Variants in ANK1 observed in about 807,000 individuals in gnomAD.
ANK1 encodes the protein ankyrin-1.
In ANK1, 51 loss-of-function variants were observed where a neutral mutation model predicts 210.4. The observed-to-expected ratio is 0.24, with a 90% CI of 0.19 to 0.31. The LOEUF is 0.31. Ranked by LOEUF, ANK1 falls within the 10% of genes least tolerant of loss-of-function variation. The pLI is 1.00. For missense variants in ANK1, 2,051 were observed against 2,504.4 expected, an observed-to-expected ratio of 0.82 and a Z score of 3.86; for synonymous variants, 967 against 1,025.9, an observed-to-expected ratio of 0.94 and a Z score of 1.10.
intron 37 of ANK1, among the ~76,000 whole-genome samples, chr8:41,677,060 A>T (rs1441523522): frequency 6.6e-6 from 1 of 152,108 alleles, no homozygotes; most frequent in East Asian, 1.9e-4. Context: ...TTCCTAAGTG[A>T]GCTTTGATAG....
chr8:41,813,874 C>T (rs545044882), intron 1 of ANK1, among the ~76,000 whole-genome samples: 3 of 152,288 alleles, frequency 2.0e-5, no homozygotes, highest in African/African-American at 7.2e-5. Flanking sequence ...CAAGGTACCA[C>T]ATCAGTTGTT....
intron 1 of ANK1, among the ~76,000 whole-genome samples, chr8:41,856,658 T>G (rs1284315495): frequency 3.9e-5 from 6 of 152,202 alleles, no homozygotes; most frequent in Non-Finnish European, 5.9e-5. Flanking sequence ...ACATTTTGAG[T>G]GCCAACATGA....
At chr8:41,894,611 C>CA (rs1425485159) in intron 1 of ANK1, among the ~76,000 whole-genome samples, 1 of 152,054 alleles carries the variant, frequency 6.6e-6, no homozygotes, top group Non-Finnish European at 1.5e-5. Context: ...TCGGGAGTGT[C>CA]AAGGAGGAAG....
At chr8:41,710,499 G>A (rs932874313) in intron 16 of ANK1, among the ~76,000 whole-genome samples, 3 of 152,218 alleles carry the variant, frequency 2.0e-5, no homozygotes, top group South Asian at 4.1e-4. Context: ...ATTCAGAGGC[G>A]CTAGGGAGGG....
At chr8:41,887,242 CTTTTTTTTTT>C (rs35112522) in intron 1 of ANK1, among the ~76,000 whole-genome samples, 2 of 80,712 alleles carry the variant, frequency 2.5e-5, no homozygotes, top group East Asian at 4.0e-4. Flanking sequence ...CTTTCCTTTC[CTTTTTTTTTT>C]TTTTTTTTTT....
At chr8:41,856,971 T>A (rs1812307309) in intron 1 of ANK1, among the ~76,000 whole-genome samples, 1 of 142,264 alleles carries the variant, frequency 7.0e-6, no homozygotes, top group Non-Finnish European at 1.5e-5. Flanking sequence ...AACCTCCACA[T>A]CCTGGGTTCA....
intron 1 of ANK1, among the ~76,000 whole-genome samples, chr8:41,791,370 T>C (rs1472633367): frequency 6.7e-6 from 1 of 149,720 alleles, no homozygotes; most frequent in Non-Finnish European, 1.5e-5. Flanking sequence ...GGTTTTGCCA[T>C]GTTGGCCAGG....
chr8:41,848,729 G>A (rs899854367), intron 1 of ANK1, among the ~76,000 whole-genome samples: 1 of 152,242 alleles, frequency 6.6e-6, no homozygotes, highest in African/African-American at 2.4e-5. Context: ...CTGGACAGCT[G>A]AATTTACTGC....
chr8:41,752,801 C>CCCCG (rs1554597001), intron 2 of ANK1, among the ~76,000 whole-genome samples: 1 of 151,606 alleles, frequency 6.6e-6, no homozygotes, highest in African/African-American at 2.4e-5. Context: ...CACACAGGCC[C>CCCCG]CCCCCCACTG....
chr8:41,827,537 G>C (rs138993589), intron 1 of ANK1, among the ~76,000 whole-genome samples: 1 of 152,330 alleles, frequency 6.6e-6, no homozygotes, highest in East Asian at 1.9e-4. Context: ...ATGTAGGTTA[G>C]ACAGGATTGC....
chr8:41,836,760 T>A (rs77348983), intron 1 of ANK1, among the ~76,000 whole-genome samples: 22 of 151,588 alleles, frequency 1.5e-4, no homozygotes, highest in African/African-American at 4.6e-4. Flanking sequence ...AAAAAAAAAA[T>A]TTTGTTTTAA....
intron 1 of ANK1, among the ~76,000 whole-genome samples, chr8:41,792,084 G>A (rs774688783): frequency 6.6e-6 from 1 of 152,214 alleles, no homozygotes; most frequent in Non-Finnish European, 1.5e-5. Flanking sequence ...CCTTCCTCCT[G>A]TAATGCGCTT....
intron 42 of ANK1, among the ~76,000 whole-genome samples, chr8:41,660,279 C>T (rs1233881216): frequency 1.3e-5 from 2 of 152,148 alleles, no homozygotes; most frequent in South Asian, 2.1e-4. Flanking sequence ...CTTTTGGTGG[C>T]TCAGGAGGCA....
Position 41,665,704 on chromosome 8 carries a change from G to A in ANK1, c.5395-1962C>T, listed in dbSNP as rs1810279368. On this transcript the variant is annotated intron_variant, in intron 39 of 42. Transcript: ENST00000289734. ...TCCAAAAGGGTGAGTGATGGGCTCAGGGACAGTCAAGTGAGCCCAGCAGGG... is the reference window on the plus strand; with the variant it reads ...TCCAAAAGGGTGAGTGATGGGCTCAAGGACAGTCAAGTGAGCCCAGCAGGG... 4.3e-5 allele frequency: 8 copies of A among 186,030 alleles called. 1 individual carries two copies. The South Asian group carries it at 9.1e-4, about 21-fold the overall frequency. The allele number at this position is 186,030 out of a possible 1,614,324, so 11.5% of individuals were successfully genotyped here.
intron 1 of ANK1, among the ~76,000 whole-genome samples, chr8:41,872,119 G>A (rs1308846125): frequency 2.6e-5 from 4 of 152,212 alleles, no homozygotes; most frequent in South Asian, 2.1e-4. Flanking sequence ...AAGCTGATTC[G>A]TGGTCTTAGT....
intron 20 of ANK1, among the ~76,000 whole-genome samples, chr8:41,703,071 T>G (rs1187847464): frequency 2.6e-5 from 4 of 151,980 alleles, no homozygotes. Context: ...CCTCAAGTGA[T>G]CCACCTGCCT....
At chr8:41,687,592 G>C (rs766156816) in intron 35 of ANK1, among the ~76,000 whole-genome samples, 4 of 152,164 alleles carry the variant, frequency 2.6e-5, no homozygotes, top group Non-Finnish European at 5.9e-5. Context: ...AGACGGATTT[G>C]AGGTTTCCTC....
intron 42 of ANK1, among the ~76,000 whole-genome samples, chr8:41,659,827 T>C (rs972590334): frequency 6.6e-6 from 1 of 151,788 alleles, no homozygotes; most frequent in African/African-American, 2.4e-5. Flanking sequence ...CTTAATCACC[T>C]GAGGTTGGGG....
At chr8:41,762,859 T>C (rs1240147203) in intron 1 of ANK1, among the ~76,000 whole-genome samples, 2 of 152,184 alleles carry the variant, frequency 1.3e-5, no homozygotes, top group African/African-American at 2.4e-5. Flanking sequence ...TGGATAAAAA[T>C]AGACTCAATA....
Sources: allele counts gnomAD v4.1 joint callset (sites outside exome capture counted in the v4.1 genomes callset), GRCh38; gene constraint gnomAD v4.1.1; transcripts MANE v1.5; gene names NCBI Gene and HGNC (gene_info 2026-07-23, HGNC 2026-07-21).